CD5: variants seen among roughly 807,000 people sequenced by gnomAD.
CD5 encodes T-cell surface glycoprotein CD5.
Under a neutral mutation model 60.3 loss-of-function variants are expected in CD5, and 36 were observed. The observed-to-expected ratio is 0.60, with a 90% CI of 0.46 to 0.79. CD5 has a LOEUF of 0.79. CD5 is among the 30% of genes least tolerant of loss of function. The pLI is 0.00. For missense variants in CD5, 540 were observed against 630.6 expected (o/e 0.86, Z 1.54); for synonymous variants, 230 against 257.6 (o/e 0.89, Z 1.03).
Position 61,125,121 on chromosome 11 carries a change from C to T in CD5, c.1369C>T (p.Pro457Ser), listed in dbSNP as rs774443985. 6.2e-7 allele frequency: 1 copy of T among 1,614,138 alleles called. No homozygotes were observed. Among genetic ancestry groups the T allele is most frequent in the South Asian group, 1.1e-5 (1 of 91,084 alleles). The change falls in exon 9 of 11, where the codon CCC (proline) becomes TCC (serine). Residue 457 changes from proline to serine, a missense_variant. Physicochemically the swap from Pro to Ser is moderately conservative, Grantham distance 74. Coordinates refer to ENST00000347785, the MANE Select transcript of CD5 (RefSeq NM_014207.4). ...SHVDNEYSQP[P>S]RNSHLSAYPA... ...CGTGGATAACGAATACAGCCAACCTCCCAGGAACTCCCACCTGTCAGCTTA... is the reference window on the plus strand; with the variant it reads ...CGTGGATAACGAATACAGCCAACCTTCCAGGAACTCCCACCTGTCAGCTTA...
upstream of CD5, among the ~76,000 whole-genome samples, chr11:61,099,411 A>ACATTCG (rs1860625695): frequency 1.1e-5 from 1 of 94,820 alleles, no homozygotes; most frequent in African/African-American, 3.5e-5. Flanking sequence ...CATGGAAATC[A>ACATTCG]CACACATCAA....
In CD5 at chr11:61,118,375, T is replaced by C. The variant is rs774156312; in HGVS notation, c.295T>C (p.Tyr99His). 2 of 1,614,258 alleles carry C rather than the reference T, an allele frequency of 1.2e-6. No homozygotes were observed. Among genetic ancestry groups the C allele is most frequent in the South Asian group, 2.2e-5 (2 of 91,088 alleles). ...AAGCCTTGGCCCCTTCCTTGTCACCTACACACCTCAGAGCTCAATCATCTG... is the reference window on the plus strand; with the variant it reads ...AAGCCTTGGCCCCTTCCTTGTCACCCACACACCTCAGAGCTCAATCATCTG... The part of the protein sequence containing the change: ...PLSLGPFLVT[Y>H]TPQSSIICYG... Residue 99 changes from tyrosine to histidine, a missense_variant, in exon 3 of 11, where the codon TAC (tyrosine) becomes CAC (histidine). Tyr to His is a moderately conservative substitution (Grantham distance 83). Transcript: ENST00000347785. The surrounding 1 kb of genome is among the most constrained non-coding windows in gnomAD (Gnocchi z 4.7).
chr11:61,125,202 G>A (rs75571803), intron 9 of CD5, 51 bp downstream of exon 9: 27,129 of 1,607,528 alleles, frequency 0.017, 562 homozygotes, highest in South Asian at 0.07. Context: ...GCAGCAGGCC[G>A]CCAAGGCAGG....
rs140709372 is a variant in CD5, at chr11:61,115,355, T to C, written c.94+261T>C. 4.8e-3 allele frequency among the ~76,000 whole-genome samples: 731 copies of C among 152,198 alleles called. 3 individuals carry two copies. The highest frequency in any genetic ancestry group is 7.8e-3 in the Non-Finnish European group (533 of 68,002). On this transcript the variant is annotated intron_variant, in intron 2 of 10. Coordinates refer to ENST00000347785, the MANE Select transcript of CD5 (RefSeq NM_014207.4). ...TCTCATGATAATTATTATGACCCGC[T>C]CACCATGCACAGAAGACATCCCAGC...
intron 5 of CD5, among the ~76,000 whole-genome samples, chr11:61,120,075 C>G (rs1861035086): frequency 6.6e-6 from 1 of 152,024 alleles, no homozygotes; most frequent in Non-Finnish European, 1.5e-5. Context: ...CAGAGACAGC[C>G]CCCAAGAGGG....
Position 61,121,702 on chromosome 11 carries a change from C to T in CD5, c.897C>T (p.Ala299=). The T allele has an allele frequency of 6.2e-7, 1 of 1,606,576 alleles. No homozygotes were observed. Among genetic ancestry groups the T allele is most frequent in the Non-Finnish European group, 8.5e-7 (1 of 1,175,010 alleles). The change falls in exon 6 of 11, where the codon GCC becomes GCT. Residue 299 remains alanine, a synonymous_variant. Coordinates refer to ENST00000347785, the MANE Select transcript of CD5 (RefSeq NM_014207.4). ...VEVRQGAQWA[A]LCDSSSARSS... ...TGCGCCAGGGGGCTCAGTGGGCAGC[C>T]CTGTGTGACAGCTCTTCAGCCAGGA...
Position 61,125,844 on chromosome 11 carries a change from G to A in CD5, c.*2+3G>A. 6.2e-7 allele frequency: 1 copy of A among 1,600,054 alleles called. No homozygotes were observed. Among genetic ancestry groups the A allele is most frequent in the Non-Finnish European group, 8.5e-7 (1 of 1,171,248 alleles). On this transcript the variant is annotated splice_donor_region_variant and intron_variant, in intron 10 of 10. Transcript: ENST00000347785. ...CATGGGGCTCAGAGGCTGTAAAGGT[G>A]AGCCCGTCTCCAGCCTGACCCCAGC...
intron 1 of CD5, 34 bp downstream of exon 1, chr11:61,102,649 C>A: frequency 1.3e-6 from 2 of 1,534,178 alleles, no homozygotes; most frequent in Non-Finnish European, 1.8e-6. Flanking sequence ...TGCGAACACC[C>A]GGGCTCGCTC....
chr11:61,125,724 T>C (rs1480709579), intron 9 of CD5, 27 bp from the exon 10 acceptor site: 3 of 1,571,200 alleles, frequency 1.9e-6, no homozygotes, highest in Non-Finnish European at 2.6e-6. Flanking sequence ...AAAAACCCTC[T>C]GCAAACAGCG....
intron 1 of CD5, among the ~76,000 whole-genome samples, chr11:61,110,553 C>T (rs1406016232): frequency 6.6e-6 from 1 of 152,210 alleles, no homozygotes; most frequent in African/African-American, 2.4e-5. Context: ...ATCAGGATTG[C>T]ACACCAGGGT....
At chr11:61,110,156 T>A (rs781599420) in intron 1 of CD5, among the ~76,000 whole-genome samples, 11 of 152,050 alleles carry the variant, frequency 7.2e-5, no homozygotes, top group Non-Finnish European at 1.5e-4. Context: ...AAATAGGTTA[T>A]GGACCCTCAA....
intron 2 of CD5, among the ~76,000 whole-genome samples, chr11:61,117,562 C>T (rs1860984483): frequency 6.6e-6 from 1 of 151,944 alleles, no homozygotes; most frequent in Admixed American, 6.5e-5. Context: ...GATCTTGGCT[C>T]ACTGCAACCT....
chr11:61,112,727 T>C (rs977364243), intron 1 of CD5, among the ~76,000 whole-genome samples: 8 of 152,170 alleles, frequency 5.3e-5, no homozygotes, highest in Non-Finnish European at 1.2e-4. Flanking sequence ...CACTTCCCTG[T>C]TGGTGAGAAT....
chr11:61,118,815 G>A lies in CD5; in HGVS notation c.401-100G>A, dbSNP rs567399549. ...GTCAAGTGGACCTGGTGTGCCAAGC[G>A]GCACTCATGCCAGGAGCTCCTGGTC... On this transcript the variant is annotated intron_variant, in intron 3 of 10. Transcript: ENST00000347785. This position sits in a 1 kb window ranked among gnomAD's most constrained non-coding sequence, Gnocchi z 4.7. The A allele has an allele frequency of 2.5e-4, 201 of 802,248 alleles. No homozygotes were observed. In the South Asian group the frequency reaches 2.7e-3, roughly 11 times the overall value. The allele number at this position is 802,248 out of a possible 1,614,324, so 49.7% of individuals were successfully genotyped here. A position where few individuals can be genotyped will look rare whatever the true frequency, so the allele number is the denominator to read the frequency against.
At chr11:61,095,948 T>C in the CD5 span, among the ~76,000 whole-genome samples, 5 of 152,340 alleles carry the variant, frequency 3.3e-5, no homozygotes, top group East Asian at 9.6e-4. Flanking sequence ...AGGCTGGGTT[T>C]GCGGGTATGA....
chr11:61,119,268 C>T lies in CD5; in HGVS notation c.498C>T (p.Gly166=), dbSNP rs571649741. The T allele has an allele frequency of 1.2e-5, 19 of 1,610,896 alleles. No individual in the cohort carries two copies. The highest frequency in any genetic ancestry group is 4.4e-5 in the South Asian group (4 of 90,822). Residue 166 remains glycine, a synonymous_variant, in exon 5 of 11, where the codon GGC becomes GGT. Transcript: ENST00000347785. The part of the protein sequence containing the change: ...PPRLQLVAQS[G]GQHCAGVVEF... ...GGCTGCAGCTGGTGGCACAGTCTGG[C>T]GGCCAGCACTGTGCCGGCGTGGTGG...
At chr11:61,117,627 T>G (rs1382278207) in intron 2 of CD5, among the ~76,000 whole-genome samples, 1 of 152,108 alleles carries the variant, frequency 6.6e-6, no homozygotes, top group Non-Finnish European at 1.5e-5. Flanking sequence ...TAGCTAGGAT[T>G]ACAGGCGCCT....
At chr11:61,115,384 T>G (rs1860923511) in intron 2 of CD5, among the ~76,000 whole-genome samples, 1 of 152,180 alleles carries the variant, frequency 6.6e-6, no homozygotes, top group South Asian at 2.1e-4. Flanking sequence ...TCCCAGCTCA[T>G]AAATGTACCT....
At chr11:61,126,163 A>C (rs908740525) in intron 10 of CD5, 125 bp from the exon 11 acceptor site, 2 of 209,150 alleles carry the variant, frequency 9.6e-6, no homozygotes, top group African/African-American at 4.6e-5. Flanking sequence ...AGCGGGCAGA[A>C]GGAGCCCCTG....
Sources: allele counts gnomAD v4.1 joint callset (sites outside exome capture counted in the v4.1 genomes callset), GRCh38; gene constraint gnomAD v4.1.1; non-coding constraint Gnocchi (gnomAD v3.1); transcripts MANE v1.5; gene names NCBI Gene and HGNC (gene_info 2026-07-23, HGNC 2026-07-21).